The following GABRB3 variants were observed in gnomAD, a reference collection of about 807,000 sequenced individuals.
The protein encoded by GABRB3 is gamma-aminobutyric acid receptor subunit beta-3.
GABRB3 carries 14 observed loss-of-function variants against 52.1 expected under a neutral mutation model. That is an observed-to-expected ratio of 0.27 (90% CI 0.18 to 0.42). The LOEUF (loss-of-function observed/expected upper bound fraction) is 0.42. Ranked by LOEUF, GABRB3 falls within the 10% of genes least tolerant of loss-of-function variation. GABRB3 has a pLI of 1.00. For missense variants in GABRB3, 307 were observed against 609.1 expected, an observed-to-expected ratio of 0.50 and a Z score of 5.22; for synonymous variants, 260 against 232.3, an observed-to-expected ratio of 1.12 and a Z score of -1.08.
intron 8 of GABRB3, among the ~76,000 whole-genome samples, chr15:26,556,803 G>A (rs917917890): frequency 6.6e-6 from 1 of 152,152 alleles, no homozygotes; most frequent in Non-Finnish European, 1.5e-5. Context: ...AGTTGCTGGT[G>A]GCCTACAGTG....
intron 3 of GABRB3, among the ~76,000 whole-genome samples, chr15:26,763,815 G>C (rs969667872): frequency 2.0e-5 from 3 of 151,998 alleles, no homozygotes; most frequent in Admixed American, 6.6e-5. Flanking sequence ...TTTTAAGCTA[G>C]CAGATTTTGT....
intron 3 of GABRB3, among the ~76,000 whole-genome samples, chr15:26,762,023 G>A (rs1181378389): frequency 6.6e-6 from 1 of 152,048 alleles, no homozygotes; most frequent in Non-Finnish European, 1.5e-5. Context: ...AGCAGAAATG[G>A]GGTTTTGCCA....
intron 3 of GABRB3, among the ~76,000 whole-genome samples, chr15:26,631,265 C>T (rs1334509809): frequency 6.6e-6 from 1 of 152,202 alleles, no homozygotes; most frequent in East Asian, 1.9e-4. Flanking sequence ...ATTCAGGCAG[C>T]TCAGATGAAT....
At chr15:26,587,921 T>C (rs1410104232) in intron 4 of GABRB3, among the ~76,000 whole-genome samples, 1 of 152,190 alleles carries the variant, frequency 6.6e-6, no homozygotes, top group Admixed American at 6.5e-5. Context: ...TATTCCTAAG[T>C]GGTGAAGCTC....
At chr15:26,584,130 T>A (rs114849467) in intron 4 of GABRB3, among the ~76,000 whole-genome samples, 1 of 152,198 alleles carries the variant, frequency 6.6e-6, no homozygotes, top group Non-Finnish European at 1.5e-5. Context: ...ATCTACCCTC[T>A]TGCAATTTTT....
intron 3 of GABRB3, among the ~76,000 whole-genome samples, chr15:26,732,289 G>A (rs1227933382): frequency 2.1e-5 from 3 of 140,738 alleles, no homozygotes; most frequent in South Asian, 2.3e-4. Context: ...TAGATGGATG[G>A]ATAGATGGAT....
At chr15:26,669,016 G>A (rs1263310227) in intron 3 of GABRB3, among the ~76,000 whole-genome samples, 1 of 152,206 alleles carries the variant, frequency 6.6e-6, no homozygotes, top group Non-Finnish European at 1.5e-5. Context: ...GCCCCTCCGT[G>A]ATGGCAGCTG....
chr15:26,698,287 T>C (rs1228366156), intron 3 of GABRB3, among the ~76,000 whole-genome samples: 1 of 152,176 alleles, frequency 6.6e-6, no homozygotes, highest in African/African-American at 2.4e-5. Flanking sequence ...TCCACAACGT[T>C]AGGGTCGGGT....
intron 3 of GABRB3, among the ~76,000 whole-genome samples, chr15:26,650,690 C>T (rs1887169407): frequency 6.6e-6 from 1 of 152,004 alleles, no homozygotes; most frequent in Non-Finnish European, 1.5e-5. Flanking sequence ...CCTACCCTTT[C>T]CTAATTGGTT....
chr15:26,551,053 G>A (rs940479686), intron 8 of GABRB3, among the ~76,000 whole-genome samples: 1 of 152,170 alleles, frequency 6.6e-6, no homozygotes, highest in Non-Finnish European at 1.5e-5. Context: ...CACATACTAA[G>A]CCTGAGACAG....
At chr15:26,720,845 C>T (rs1401598182) in intron 3 of GABRB3, among the ~76,000 whole-genome samples, 2 of 152,142 alleles carry the variant, frequency 1.3e-5, no homozygotes, top group Admixed American at 6.6e-5. Context: ...AACCTATATT[C>T]TAGTGAAGTG....
chr15:26,595,925 T>C (rs1389809748), intron 4 of GABRB3, among the ~76,000 whole-genome samples: 1 of 152,170 alleles, frequency 6.6e-6, no homozygotes, highest in East Asian at 1.9e-4. Context: ...GGATCCACCA[T>C]CTTGTCTCAC....
At chr15:26,625,056 C>T (rs1448513095) in intron 3 of GABRB3, 12 of 705,698 alleles carry the variant, frequency 1.7e-5, no homozygotes, top group African/African-American at 5.8e-5. Context: ...TGAAGTAACT[C>T]GCTCCTCATC....
intron 4 of GABRB3, among the ~76,000 whole-genome samples, chr15:26,617,524 A>G (rs1217718743): frequency 2.0e-5 from 3 of 152,194 alleles, no homozygotes; most frequent in Non-Finnish European, 4.4e-5. Context: ...TCAAAATAAT[A>G]AGAGCTATCT....
At chr15:26,624,937 T>C in intron 3 of GABRB3, 2 of 985,484 alleles carry the variant, frequency 2.0e-6, no homozygotes, top group Non-Finnish European at 2.4e-6. Context: ...CTTGTGTGAG[T>C]GATCCTTCAG....
chr15:26,746,197 A>G (rs1045091299), intron 3 of GABRB3, among the ~76,000 whole-genome samples: 3 of 149,118 alleles, frequency 2.0e-5, no homozygotes, highest in Non-Finnish European at 4.5e-5. Context: ...TTTTTTTTGC[A>G]TTTTGCTAAT....
chr15:26,647,785 A>C lies in GABRB3; in HGVS notation c.241-26251T>G, dbSNP rs148090423. Reference sequence around the variant, plus strand: ...ACTGTTAGAAAAGGCAGGATAAGGCAGGATCCCAGAGCGGGGCTGCCTGGC... The same window carrying C: ...ACTGTTAGAAAAGGCAGGATAAGGCCGGATCCCAGAGCGGGGCTGCCTGGC... On this transcript the variant is annotated intron_variant, in intron 3 of 8. Coordinates refer to ENST00000311550, the MANE Select transcript of GABRB3 (RefSeq NM_000814.6). Among the ~76,000 whole-genome samples the C allele has an allele frequency of 7.9e-4, 120 of 152,310 alleles. 2 individuals carry two copies. Among genetic ancestry groups the C allele is most frequent in the Middle Eastern group, 3.4e-3 (1 of 294 alleles).
chr15:26,673,673 C>T (rs1442451381), intron 3 of GABRB3, among the ~76,000 whole-genome samples: 5 of 152,190 alleles, frequency 3.3e-5, no homozygotes, highest in Admixed American at 6.5e-5. Context: ...CAGACAACTA[C>T]GTGCATCACA....
intron 3 of GABRB3, among the ~76,000 whole-genome samples, chr15:26,708,696 A>T (rs1281733491): frequency 6.6e-6 from 1 of 152,236 alleles, no homozygotes; most frequent in East Asian, 1.9e-4. Context: ...AGTGGAAGAT[A>T]GCACGCCACA....
Sources: allele counts gnomAD v4.1 joint callset (sites outside exome capture counted in the v4.1 genomes callset), GRCh38; gene constraint gnomAD v4.1.1; transcripts MANE v1.5; gene names NCBI Gene and HGNC (gene_info 2026-07-23, HGNC 2026-07-21).